The following ARHGAP5 variants were observed in gnomAD, a reference collection of about 807,000 sequenced individuals.
ARHGAP5 encodes Rho GTPase activating protein 5.
ARHGAP5 carries 23 observed loss-of-function variants against 116.6 expected under a neutral mutation model. The ratio of observed to expected loss-of-function variants is 0.20; its 90% CI spans 0.14 to 0.28. The LOEUF is 0.28. ARHGAP5 is among the 10% of genes least tolerant of loss of function. The pLI is 1.00. For synonymous variants in ARHGAP5, 574 were observed against 602.0 expected, an observed-to-expected ratio of 0.95 and a Z score of 0.68; for missense variants, 1,405 against 1,774.8, an observed-to-expected ratio of 0.79 and a Z score of 3.74.
intron 2 of ARHGAP5, among the ~76,000 whole-genome samples, chr14:32,110,859 T>TA (rs1879257401): frequency 6.6e-6 from 1 of 152,114 alleles, no homozygotes; most frequent in Non-Finnish European, 1.5e-5. Flanking sequence ...AAAAAGGAGA[T>TA]AGAGGATGAC....
intron 2 of ARHGAP5, among the ~76,000 whole-genome samples, chr14:32,103,843 T>TG (rs1878896164): frequency 1.3e-5 from 2 of 152,188 alleles, no homozygotes; most frequent in South Asian, 2.1e-4. Context: ...ATAGGAGGGT[T>TG]GCTTTTTAAA....
chr14:32,086,827 A>T (rs1298788787), intron 1 of ARHGAP5, among the ~76,000 whole-genome samples: 2 of 151,078 alleles, frequency 1.3e-5, no homozygotes, highest in East Asian at 3.8e-4. Flanking sequence ...GATATAGATA[A>T]TTTCTATAAG....
chr14:32,095,686 A>AT (rs1878492399), intron 2 of ARHGAP5, among the ~76,000 whole-genome samples: 1 of 152,126 alleles, frequency 6.6e-6, no homozygotes, highest in African/African-American at 2.4e-5. Flanking sequence ...AAGTGCTGGG[A>AT]TTACAGGCGT....
chr14:32,077,579 C>T (rs996167480), intron 1 of ARHGAP5, 144 bp downstream of exon 1: 5 of 552,852 alleles, frequency 9.0e-6, no homozygotes, highest in South Asian at 6.6e-5. Flanking sequence ...CCGAGGGGAG[C>T]CTGGCGCTGC....
intron 1 of ARHGAP5, among the ~76,000 whole-genome samples, 170 bp downstream of exon 1, chr14:32,077,605 G>T (rs1277545874): frequency 6.6e-6 from 1 of 152,160 alleles, no homozygotes; most frequent in Non-Finnish European, 1.5e-5. Flanking sequence ...GTTTTCGCAG[G>T]CCGGGCGGGC....
intron 3 of ARHGAP5, among the ~76,000 whole-genome samples, chr14:32,119,263 CCTT>C (rs1300445721): frequency 5.3e-5 from 8 of 151,766 alleles, no homozygotes; most frequent in Admixed American, 3.9e-4. Context: ...TGTAGCATAA[CCTT>C]CTTATATTTA....
intron 2 of ARHGAP5, 143 bp from the exon 3 acceptor site, chr14:32,116,992 ATTTAT>A: frequency 1.8e-6 from 1 of 562,166 alleles, no homozygotes; most frequent in Non-Finnish European, 2.8e-6. Flanking sequence ...TTCTGGCAAA[ATTTAT>A]TTAGCGAGTC....
chr14:32,109,558 AT>A (rs1879185923), intron 2 of ARHGAP5, among the ~76,000 whole-genome samples: 1 of 152,136 alleles, frequency 6.6e-6, no homozygotes, highest in African/African-American at 2.4e-5. Context: ...AAAATTATAA[AT>A]TATATTAATA....
At chr14:32,099,827 G>A (rs2139035146) in intron 2 of ARHGAP5, among the ~76,000 whole-genome samples, 1 of 152,156 alleles carries the variant, frequency 6.6e-6, no homozygotes, top group African/African-American at 2.4e-5. Context: ...ATAGCTTTTG[G>A]GCATTAATGG....
chr14:32,092,836 A>G lies in ARHGAP5; in HGVS notation c.2167A>G (p.Asn723Asp). 3 of 1,614,090 alleles carry G rather than the reference A, an allele frequency of 1.9e-6. No individual in the cohort carries two copies. The highest frequency in any genetic ancestry group is 2.5e-6 in the Non-Finnish European group (3 of 1,179,952). Residue 723 changes from asparagine (N) to aspartate (D), a missense_variant, in exon 2 of 7, where the codon AAC becomes GAC. Physicochemically the swap from Asn to Asp is conservative, Grantham distance 23 (BLOSUM62 1). Coordinates refer to ENST00000345122, the MANE Select transcript of ARHGAP5 (RefSeq NM_001030055.2). The surrounding 1 kb of genome is among the most constrained non-coding windows in gnomAD (Gnocchi z 4.1). ...CAGGCACCAAGGGCAGCAGTTGGCAAACAAGTTGCAATGTCCTTTTGTAGA... is the reference window on the plus strand; with the variant it reads ...CAGGCACCAAGGGCAGCAGTTGGCAGACAAGTTGCAATGTCCTTTTGTAGA... ...ILRHQGQQLANKLQCPFVDVP... is the reference protein window; with the variant it reads ...ILRHQGQQLADKLQCPFVDVP...
Position 32,090,647 on chromosome 14 carries a change from T to C in ARHGAP5, c.-23T>C. On this transcript the variant is annotated 5_prime_UTR_variant, in exon 2 of 7. The change abolishes an upstream ATG in the 5' untranslated region. Coordinates refer to ENST00000345122, the MANE Select transcript of ARHGAP5 (RefSeq NM_001030055.2). ...AAGCATATCTGGTTACCTTTATGAATGTAGAGACATGAGAAGAGAGTTATG... is the reference window on the plus strand; with the variant it reads ...AAGCATATCTGGTTACCTTTATGAACGTAGAGACATGAGAAGAGAGTTATG... 8 of 1,544,568 alleles carry C rather than the reference T, an allele frequency of 5.2e-6. No homozygotes were observed. Among genetic ancestry groups the C allele is most frequent in the African/African-American group, 1.4e-5 (1 of 72,188 alleles).
At chr14:32,095,662 G>A (rs550972974) in intron 2 of ARHGAP5, among the ~76,000 whole-genome samples, 5 of 152,168 alleles carry the variant, frequency 3.3e-5, no homozygotes, top group African/African-American at 1.2e-4. Flanking sequence ...TCCGAGGCCT[G>A]CCTTGGCCTC....
At chr14:32,139,340 TG>T (rs1222964350) in intron 3 of ARHGAP5, among the ~76,000 whole-genome samples, 1 of 152,158 alleles carries the variant, frequency 6.6e-6, no homozygotes, top group East Asian at 1.9e-4. Context: ...TATCTTGTAT[TG>T]GGCTTTTTTG....
intron 3 of ARHGAP5, among the ~76,000 whole-genome samples, chr14:32,134,329 C>T (rs569145815): frequency 3.3e-5 from 5 of 152,220 alleles, no homozygotes; most frequent in African/African-American, 9.6e-5. Context: ...TATGTATCCC[C>T]CTCCCCACAT....
At position 32,084,294 on chromosome 14, in the gene ARHGAP5, A is replaced by G. The variant is rs564236426; in HGVS notation, c.-168-6208A>G. Among the ~76,000 whole-genome samples the G allele has an allele frequency of 3.3e-5, 5 of 152,148 alleles. No individual in the cohort carries two copies. The South Asian group carries it at 8.3e-4, about 25-fold the overall frequency. On this transcript the variant is annotated intron_variant, in intron 1 of 6. Coordinates refer to ENST00000345122, the MANE Select transcript of ARHGAP5 (RefSeq NM_001030055.2). ...AGCTCCCAGAGTACTGCCTACTTGGACCCTCCTTGAAGTACTACACACCTT... is the reference window on the plus strand; with the variant it reads ...AGCTCCCAGAGTACTGCCTACTTGGGCCCTCCTTGAAGTACTACACACCTT...
intron 3 of ARHGAP5, among the ~76,000 whole-genome samples, chr14:32,140,863 G>GT (rs1881093294): frequency 6.6e-6 from 1 of 152,130 alleles, no homozygotes; most frequent in Admixed American, 6.5e-5. Flanking sequence ...CAAAGTCTCT[G>GT]TTTTCCTTGG....
At chr14:32,109,472 C>T (rs748456975) in intron 2 of ARHGAP5, among the ~76,000 whole-genome samples, 14 of 151,924 alleles carry the variant, frequency 9.2e-5, no homozygotes, top group Non-Finnish European at 2.1e-4. Context: ...GCTCGTCTCC[C>T]TTTATATAGG....
chr14:32,108,725 G>A (rs1879140386), intron 2 of ARHGAP5, among the ~76,000 whole-genome samples: 1 of 152,070 alleles, frequency 6.6e-6, no homozygotes, highest in African/African-American at 2.4e-5. Context: ...AAAGTCATTG[G>A]AGTAAAATAT....
At chr14:32,123,802 A>T (rs1880009251) in intron 3 of ARHGAP5, among the ~76,000 whole-genome samples, 1 of 152,126 alleles carries the variant, frequency 6.6e-6, no homozygotes, top group Non-Finnish European at 1.5e-5. Flanking sequence ...CCTTTCTAAG[A>T]TGGATTGTAA....
Sources: allele counts gnomAD v4.1 joint callset (sites outside exome capture counted in the v4.1 genomes callset), GRCh38; gene constraint gnomAD v4.1.1; non-coding constraint Gnocchi (gnomAD v3.1); transcripts MANE v1.5; gene names NCBI Gene and HGNC (gene_info 2026-07-23, HGNC 2026-07-21).